The following LTF variants were observed in gnomAD, a reference collection of about 807,000 sequenced individuals.
LTF encodes the protein epididymis luminal protein 110.
In LTF, 91 loss-of-function variants were observed where a neutral mutation model predicts 87.2. The observed-to-expected ratio is 1.04, with a 90% confidence interval of 0.88 to 1.24. The LOEUF (loss-of-function observed/expected upper bound fraction) is 1.24, where lower values mean the gene tolerates loss of function less well. Ranked by LOEUF, LTF falls within the 50% of genes most tolerant of loss-of-function variation. The probability of loss-of-function intolerance (pLI) is 0.00; values close to 1 mark genes in which losing one functional copy is unlikely to be tolerated. For synonymous variants in LTF, 378 were observed against 356.1 expected, an observed-to-expected ratio of 1.06 and a Z score of -0.69; for missense variants, 901 against 904.3, an observed-to-expected ratio of 1.00 and a Z score of 0.05.
intron 1 of LTF, among the ~76,000 whole-genome samples, chr3:46,482,617 A>AAAGAAAGG (rs1703454378): frequency 2.4e-5 from 1 of 41,688 alleles, no homozygotes; most frequent in African/African-American, 8.0e-5. Flanking sequence ...AAGAAGAAAG[A>AAAGAAAGG]AAGAAAGAAA....
In LTF at chr3:46,472,523, TGTGTGAGAGAGA is replaced by T. The variant is rs1703306347; in HGVS notation, c.-319-2069_-319-2058del. Among the ~76,000 whole-genome samples, 3 of 146,212 alleles carry T rather than the reference TGTGTGAGAGAGA, an allele frequency of 2.1e-5. No homozygotes were observed. The South Asian group carries it at 6.4e-4, about 31-fold the overall frequency. On this transcript the variant is annotated intron_variant, in intron 1 of 19. Coordinates refer to the LTF transcript ENST00000443496. ...GTGTGTGTGTGTGTGTGTGTGTGTG[TGTGTGAGAGAGA>T]GAGAGAGAGAGAGAGAGAGAAGTTC... is the stretch of plus-strand genomic sequence containing the variant.
chr3:46,453,501 G>T (rs1702850935), intron 6 of LTF, among the ~76,000 whole-genome samples: 1 of 151,882 alleles, frequency 6.6e-6, no homozygotes, highest in African/African-American at 2.4e-5. Flanking sequence ...AGGTGAATGT[G>T]GGTGTTGTCT....
At chr3:46,461,555 A>G (rs1176021964) in intron 1 of LTF, among the ~76,000 whole-genome samples, 2 of 152,226 alleles carry the variant, frequency 1.3e-5, no homozygotes, top group Non-Finnish European at 2.9e-5. Flanking sequence ...GTATGATTCC[A>G]TTTGAATGAA....
intron 13 of LTF, 85 bp from the exon 14 acceptor site, chr3:46,441,568 A>C: frequency 1.0e-6 from 1 of 959,384 alleles, no homozygotes; most frequent in Admixed American, 2.1e-5. Flanking sequence ...GCATTCCAAA[A>C]ACTGAAATAT....
chr3:46,477,140 G>T (rs6414430), intron 1 of LTF, among the ~76,000 whole-genome samples: 125,542 of 151,932 alleles, frequency 0.83, 52,339 homozygotes, highest in East Asian at 0.99. Flanking sequence ...GAGTTCTAGG[G>T]GCTTCACATC....
intron 1 of LTF, among the ~76,000 whole-genome samples, chr3:46,482,810 A>G (rs1245260268): frequency 6.6e-6 from 1 of 151,278 alleles, no homozygotes; most frequent in Non-Finnish European, 1.5e-5. Context: ...AAGGAAAGAA[A>G]GAAAGAAAGA....
At chr3:46,439,814 T>C (rs34660315) in intron 14 of LTF, among the ~76,000 whole-genome samples, 10,161 of 152,228 alleles carry the variant, frequency 0.067, 507 homozygotes, top group South Asian at 0.18. Flanking sequence ...CGGTGGCTCA[T>C]GCCTGTAATC....
upstream of LTF, among the ~76,000 whole-genome samples, chr3:46,466,685 C>G (rs1266370519): frequency 1.3e-5 from 2 of 152,200 alleles, no homozygotes; most frequent in African/African-American, 4.8e-5. Context: ...TCCAAGGTCT[C>G]TCATTGTTTG....
Position 46,442,278 on chromosome 3 carries a change from A to G in LTF, c.1656-795T>C, listed in dbSNP as rs575248842. Among the ~76,000 whole-genome samples the G allele has an allele frequency of 4.6e-5, 7 of 152,264 alleles. No individual in the cohort carries two copies. The East Asian group carries it at 1.4e-3, about 29-fold the overall frequency. ...GAGAGGCTAGATCTTCTTCTATACT[A>G]CAGAGTCAGCAGAAAGTTAAAAATT... On this transcript the variant is annotated intron_variant, in intron 13 of 16. Coordinates refer to ENST00000231751, the MANE Select transcript of LTF (RefSeq NM_002343.6).
intron 1 of LTF, among the ~76,000 whole-genome samples, chr3:46,474,742 TA>T (rs1386642255): frequency 6.6e-6 from 1 of 152,198 alleles, no homozygotes; most frequent in Non-Finnish European, 1.5e-5. Flanking sequence ...ATTGAAATCA[TA>T]AAAATTTATT....
In LTF at chr3:46,450,027, T is replaced by C. The variant is rs760666087; in HGVS notation, c.884A>G (p.Glu295Gly). The change falls in exon 8 of 17, where the codon GAA becomes GGA. Residue 295 changes from glutamate to glycine, a missense_variant and splice_region_variant. Coordinates refer to ENST00000231751, the MANE Select transcript of LTF (RefSeq NM_002343.6). ...AIWNLLRQAQ[E>G]KFGKDKSPKF... Reference sequence around the variant, plus strand: ...CGGTGACTTGTCCTTTCCAAACTTTTCCTAATTAAGAAAAAATAGAATTAT... The same window carrying C: ...CGGTGACTTGTCCTTTCCAAACTTTCCCTAATTAAGAAAAAATAGAATTAT... The C allele has an allele frequency of 3.8e-6, 6 of 1,578,138 alleles. No homozygotes were observed. In the South Asian group the frequency reaches 5.8e-5, roughly 15 times the overall value.
chr3:46,442,469 C>T (rs113234727), intron 13 of LTF, among the ~76,000 whole-genome samples: 3,004 of 151,610 alleles, frequency 0.02, 41 homozygotes, highest in South Asian at 0.036. Flanking sequence ...GTGGGTGTTT[C>T]CAGTGAACTA....
upstream of LTF, among the ~76,000 whole-genome samples, chr3:46,469,764 C>G (rs1313359059): frequency 6.6e-6 from 1 of 152,186 alleles, no homozygotes; most frequent in Admixed American, 6.5e-5. Context: ...GCCAAAGGCC[C>G]TAAGAGTCTG....
Position 46,482,561 on chromosome 3 carries a change from AAG to A in LTF, c.-320+2423_-320+2424del, listed in dbSNP as rs1559614585. On this transcript the variant is annotated intron_variant, in intron 1 of 19. Coordinates refer to the LTF transcript ENST00000443496. ...AAGGGAAGGGAAGGGAAGGGAAGGG[AAG>A]GGAAGGGAAAGGAAAGGAAGGGAGA... Among the ~76,000 whole-genome samples the A allele has an allele frequency of 6.4e-3, 794 of 124,544 alleles. 179 individuals are homozygous for A. The highest frequency in any genetic ancestry group is 0.01 in the South Asian group (37 of 3,694). The allele number at this position is 124,544 out of a possible 152,430, so 81.7% of individuals were successfully genotyped here. A position where few individuals can be genotyped will look rare whatever the true frequency, so the allele number is the denominator to read the frequency against.
rs867248457 is a variant in LTF at position 46,445,306 on chromosome 3, G to A, written c.1488C>T (p.Phe496=). The change falls in exon 12 of 17, where the codon TTC becomes TTT. Residue 496 remains phenylalanine, a synonymous_variant. Transcript: ENST00000231751. Reference sequence around the variant, plus strand: ...CAAATTTGCAGGAGCCCGTCTGGTTGAAGAGCAGGCCCATGGGGATATTCC... The same window carrying A: ...CAAATTTGCAGGAGCCCGTCTGGTTAAAGAGCAGGCCCATGGGGATATTCC... The part of the protein sequence containing the change: ...AGWNIPMGLL[F]NQTGSCKFDE... The A allele has an allele frequency of 6.2e-7, 1 of 1,611,498 alleles. No homozygotes were observed. The highest frequency in any genetic ancestry group is 8.5e-7 in the Non-Finnish European group (1 of 1,178,922).
intron 1 of LTF, among the ~76,000 whole-genome samples, chr3:46,484,050 G>A (rs908531762): frequency 6.6e-6 from 1 of 152,200 alleles, no homozygotes; most frequent in African/African-American, 2.4e-5. Flanking sequence ...GGATGTACCA[G>A]AGATGCCCTT....
At chr3:46,475,845 C>A (rs780853370) in intron 1 of LTF, among the ~76,000 whole-genome samples, 8 of 152,162 alleles carry the variant, frequency 5.3e-5, no homozygotes, top group Non-Finnish European at 1.2e-4. Flanking sequence ...CTGCTCAACC[C>A]CACACCATCT....
intron 10 of LTF, among the ~76,000 whole-genome samples, 157 bp from the exon 11 acceptor site, chr3:46,446,650 G>A (rs927798355): frequency 1.3e-5 from 2 of 152,180 alleles, no homozygotes; most frequent in African/African-American, 4.8e-5. Context: ...AAAAGACATG[G>A]CACAGAGATT....
chr3:46,472,523 TGTGTGAGA>T (rs1445026968), intron 1 of LTF, among the ~76,000 whole-genome samples: 26 of 146,320 alleles, frequency 1.8e-4, no homozygotes, highest in East Asian at 3.9e-4. Context: ...TGTGTGTGTG[TGTGTGAGA>T]GAGAGAGAGA....
Sources: allele counts gnomAD v4.1 joint callset (sites outside exome capture counted in the v4.1 genomes callset), GRCh38; gene constraint gnomAD v4.1.1; transcripts MANE v1.5; gene names NCBI Gene and HGNC (gene_info 2026-07-23, HGNC 2026-07-21).